The following TRAPPC9 variants were observed in gnomAD, a reference collection of about 807,000 sequenced individuals.
The protein encoded by TRAPPC9 is IKK2 binding protein.
A neutral mutation model predicts 124.0 loss-of-function variants in TRAPPC9; 83 were observed. That is an observed-to-expected ratio of 0.67 (90% confidence interval 0.56 to 0.80). TRAPPC9 has a LOEUF of 0.80. Ranked by LOEUF, TRAPPC9 falls within the 30% of genes least tolerant of loss-of-function variation. The pLI is 0.00. For synonymous variants in TRAPPC9, 638 were observed against 617.5 expected (o/e 1.03, Z -0.49); for missense variants, 1,302 against 1,508.3 (o/e 0.86, Z 2.27).
chr8:139,736,577 G>C (rs529666644), intron 21 of TRAPPC9, among the ~76,000 whole-genome samples: 4 of 152,176 alleles, frequency 2.6e-5, no homozygotes, highest in Non-Finnish European at 5.9e-5. Context: ...GTTTTTGTCC[G>C]AGAGCATTAA....
intron 21 of TRAPPC9, among the ~76,000 whole-genome samples, chr8:139,875,473 A>T (rs1296314048): frequency 1.3e-5 from 2 of 152,062 alleles, no homozygotes; most frequent in Non-Finnish European, 2.9e-5. Flanking sequence ...GGTTGTTTTC[A>T]TTTTTTTTCC....
At chr8:140,452,181 G>GA (rs2071486447) in intron 1 of TRAPPC9, among the ~76,000 whole-genome samples, 1 of 151,112 alleles carries the variant, frequency 6.6e-6, no homozygotes, top group Admixed American at 6.6e-5. Flanking sequence ...AGCACTTTGG[G>GA]AAGCTGAGGC....
intron 21 of TRAPPC9, among the ~76,000 whole-genome samples, chr8:139,761,991 C>T (rs565227186): frequency 2.6e-5 from 4 of 151,864 alleles, no homozygotes; most frequent in East Asian, 3.9e-4. Context: ...CAGGCAAAGC[C>T]GTGCCTGGAT....
chr8:140,153,812 A>G (rs2061586612), intron 17 of TRAPPC9, among the ~76,000 whole-genome samples: 1 of 152,206 alleles, frequency 6.6e-6, no homozygotes, highest in Admixed American at 6.5e-5. Context: ...TTCACAGGGT[A>G]TCAAAGATTC....
At chr8:140,391,712 CAAAAAAAA>C (rs1238939604) in intron 7 of TRAPPC9, among the ~76,000 whole-genome samples, 2 of 75,472 alleles carry the variant, frequency 2.6e-5, no homozygotes, top group East Asian at 8.0e-4. Flanking sequence ...AACTCTGTCT[CAAAAAAAA>C]AAAAAAAAAA....
intron 21 of TRAPPC9, among the ~76,000 whole-genome samples, chr8:139,808,322 G>A (rs752912527): frequency 3.9e-5 from 6 of 152,112 alleles, no homozygotes; most frequent in Non-Finnish European, 7.4e-5. Context: ...TTAGCCGGGC[G>A]TGGTGGTGCA....
intron 19 of TRAPPC9, among the ~76,000 whole-genome samples, chr8:139,974,694 T>C (rs1183548793): frequency 1.3e-5 from 2 of 152,076 alleles, no homozygotes; most frequent in Non-Finnish European, 2.9e-5. Context: ...CACCCCAGGC[T>C]GCCCACTGTG....
rs28710457 is a variant in TRAPPC9 at position 139,988,794 on chromosome 8, G to A, written c.2742C>T (p.Thr914=). The A allele has an allele frequency of 2.2e-3, 3,382 of 1,551,484 alleles. 66 individuals are homozygous for A. In the African/African-American group the frequency reaches 0.038, roughly 17 times the overall value. Residue 914 remains threonine (T), a synonymous_variant, in exon 19 of 23, where the codon ACC becomes ACT. Transcript: ENST00000438773. The part of the protein sequence containing the change: ...CHLLLDVFNS[T]EHELTVSTRS... Reference sequence around the variant, plus strand: ...TGGTGCTGACGGTCAGCTCATGCTCGGTGGAGTTGAAGACATCCAGGAGCA... The same window carrying A: ...TGGTGCTGACGGTCAGCTCATGCTCAGTGGAGTTGAAGACATCCAGGAGCA...
intron 15 of TRAPPC9, among the ~76,000 whole-genome samples, chr8:140,268,377 C>G (rs2131592334): frequency 6.6e-6 from 1 of 152,264 alleles, no homozygotes; most frequent in South Asian, 2.1e-4. Context: ...ACTAAAGTGA[C>G]AGGAATTACT....
chr8:140,313,271 T>A (rs1206198717), intron 9 of TRAPPC9, among the ~76,000 whole-genome samples: 1 of 152,180 alleles, frequency 6.6e-6, no homozygotes, highest in Admixed American at 6.5e-5. Flanking sequence ...GGTTGAGGTA[T>A]CCTATTCAGT....
intron 16 of TRAPPC9, among the ~76,000 whole-genome samples, chr8:140,237,987 G>A (rs1402406449): frequency 1.3e-5 from 2 of 152,184 alleles, no homozygotes; most frequent in African/African-American, 2.4e-5. Context: ...TGATCAACAC[G>A]ATGAGCTAAC....
At chr8:140,109,157 C>T (rs778450040) in intron 17 of TRAPPC9, among the ~76,000 whole-genome samples, 6 of 152,090 alleles carry the variant, frequency 3.9e-5, no homozygotes, top group African/African-American at 9.7e-5. Context: ...AAGGCGAGGT[C>T]GACACAAGCC....
chr8:140,013,294 C>A (rs1839253736), intron 18 of TRAPPC9, among the ~76,000 whole-genome samples: 3 of 152,134 alleles, frequency 2.0e-5, no homozygotes, highest in Admixed American at 1.3e-4. Flanking sequence ...GGGCTCCAAA[C>A]TTCTCCCTTC....
At chr8:140,174,274 T>G (rs914578582) in intron 17 of TRAPPC9, among the ~76,000 whole-genome samples, 1 of 152,106 alleles carries the variant, frequency 6.6e-6, no homozygotes, top group South Asian at 2.1e-4. Flanking sequence ...TAATGGACAC[T>G]GGGCTTAATA....
intron 21 of TRAPPC9, among the ~76,000 whole-genome samples, chr8:139,773,830 C>T (rs1474787915): frequency 1.3e-5 from 2 of 152,360 alleles, no homozygotes; most frequent in Non-Finnish European, 2.9e-5. Context: ...ATGTGCCAGG[C>T]ACCCTTCTAG....
intron 21 of TRAPPC9, among the ~76,000 whole-genome samples, chr8:139,859,244 C>T (rs544870388): frequency 1.5e-4 from 23 of 152,102 alleles, no homozygotes; most frequent in Non-Finnish European, 2.2e-4. Context: ...GGGGTCTCTC[C>T]GTTCCTGGAC....
Position 139,731,183 on chromosome 8 carries a change from G to T in TRAPPC9, c.3325C>A (p.Leu1109Ile), listed in dbSNP as rs371403079. ...TGGAGGAAGAAGTCTCCCGTGTAGA[G>T]GAAGAGGAGGGCCCCGAGGCAGGCC... ...QSACLGALLF[L>I]YTGDFFLHIR... The change falls in exon 23 of 23, where the codon CTC becomes ATC. Residue 1109 changes from leucine to isoleucine, a missense_variant. Coordinates refer to ENST00000438773, the MANE Select transcript of TRAPPC9 (RefSeq NM_001160372.4). The T allele has an allele frequency of 1.5e-5, 24 of 1,613,590 alleles. No individual in the cohort carries two copies. The South Asian group carries it at 1.9e-4, about 13-fold the overall frequency.
At chr8:140,381,393 C>T (rs542479168) in intron 7 of TRAPPC9, among the ~76,000 whole-genome samples, 5 of 152,084 alleles carry the variant, frequency 3.3e-5, no homozygotes, top group Admixed American at 2.6e-4. Flanking sequence ...GAGGACCAGG[C>T]GCAGTGGCTC....
intron 21 of TRAPPC9, chr8:139,806,352 A>G (rs1824058418): frequency 6.6e-6 from 1 of 152,306 alleles, no homozygotes; most frequent in South Asian, 2.1e-4. Context: ...CGGCTGGTTT[A>G]CTGGCTGTGG....
Sources: gnomAD v4.1 joint callset for allele counts (sites outside exome capture counted in the v4.1 genomes callset) on GRCh38, gnomAD v4.1.1 for gene constraint, MANE v1.5 for transcripts, NCBI Gene and HGNC (gene_info 2026-07-23, HGNC 2026-07-21) for gene names.